The following TSPAN3 variants were observed in gnomAD, a reference collection of about 807,000 sequenced individuals.
The protein encoded by TSPAN3 is tetraspanin 3.
In TSPAN3, 9 loss-of-function variants were observed where a neutral mutation model predicts 31.1. That is an observed-to-expected ratio of 0.29 (90% CI 0.17 to 0.50). The LOEUF (loss-of-function observed/expected upper bound fraction) is 0.50. Ranked by LOEUF, TSPAN3 falls within the 20% of genes least tolerant of loss-of-function variation. TSPAN3 has a pLI of 0.98. For missense variants in TSPAN3, 252 were observed against 313.5 expected, an observed-to-expected ratio of 0.80 and a Z score of 1.48; for synonymous variants, 129 against 114.3, an observed-to-expected ratio of 1.13 and a Z score of -0.82.
chr15:77,066,676 C>T (rs1202581000), intron 1 of TSPAN3, among the ~76,000 whole-genome samples: 1 of 147,012 alleles, frequency 6.8e-6, no homozygotes, highest in Non-Finnish European at 1.5e-5. Flanking sequence ...AGCATGAATA[C>T]ACTTATATTT....
rs1213995884 is a variant in TSPAN3 at position 77,045,215 on chromosome 15, C to T, written c.*1620G>A. ...AACCTGGGACTCATCCTAGATGAGT[C>T]TTCTCTTCTCCCTTCTCTGTCCCAC... On this transcript the variant is annotated 3_prime_UTR_variant, in exon 7 of 7. Transcript: ENST00000267970. The T allele has an allele frequency of 6.6e-6, 1 of 152,270 alleles. No homozygotes were observed. Among genetic ancestry groups the T allele is most frequent in the African/African-American group, 2.4e-5 (1 of 41,416 alleles). The allele number at this position is 152,270 out of a possible 1,614,324, so 9.4% of individuals were successfully genotyped here.
chr15:77,046,984 G>C (rs2076696817), intron 6 of TSPAN3, 57 bp from the exon 7 acceptor site: 2 of 1,389,214 alleles, frequency 1.4e-6, no homozygotes, highest in Non-Finnish European at 2.0e-6. Context: ...CATGGCAGGT[G>C]TGTATTTCTT....
chr15:77,048,309 G>A (rs1240636796), intron 6 of TSPAN3, among the ~76,000 whole-genome samples: 2 of 152,094 alleles, frequency 1.3e-5, no homozygotes, highest in Non-Finnish European at 2.9e-5. Context: ...GTTAAATTGA[G>A]CAATAAAAAT....
rs1274473507 is a variant in TSPAN3 at position 77,070,985 on chromosome 15, G to A, written c.-31C>T. 7 of 1,406,818 alleles carry A rather than the reference G, an allele frequency of 5.0e-6. No individual in the cohort carries two copies. The African/African-American group carries it at 7.6e-5, about 15-fold the overall frequency. 87.1% of individuals were successfully genotyped at this position (1,406,818 alleles called of 1,614,324 possible). A position where few individuals can be genotyped will look rare whatever the true frequency, so the allele number is the denominator to read the frequency against. ...CGGTGGCCCGCGAAGGCCCGGCCCG[G>A]AGAGCGGGGCTGCGCTCACCGAGAG... On this transcript the variant is annotated 5_prime_UTR_variant, in exon 1 of 7. Coordinates refer to ENST00000267970, the MANE Select transcript of TSPAN3 (RefSeq NM_005724.6).
At chr15:77,049,799 C>A (rs1376202221) in intron 6 of TSPAN3, among the ~76,000 whole-genome samples, 1 of 152,144 alleles carries the variant, frequency 6.6e-6, no homozygotes, top group African/African-American at 2.4e-5. Flanking sequence ...CAAACCAAGA[C>A]AAAAATCAAT....
intron 1 of TSPAN3, among the ~76,000 whole-genome samples, chr15:77,065,469 C>T (rs1297228015): frequency 6.6e-6 from 1 of 152,140 alleles, no homozygotes; most frequent in Non-Finnish European, 1.5e-5. Flanking sequence ...CTCTGTCGCC[C>T]AGGCTGGAGT....
rs2076764615 is a variant in TSPAN3, at chr15:77,055,736, A to G, written c.330+53T>C. 3 of 1,415,288 alleles carry G rather than the reference A, an allele frequency of 2.1e-6. No individual in the cohort carries two copies. In the Admixed American group the frequency reaches 7.0e-5, roughly 33 times the overall value. The allele number at this position is 1,415,288 out of a possible 1,614,324, so 87.7% of individuals were successfully genotyped here. A position where few individuals can be genotyped will look rare whatever the true frequency, so the allele number is the denominator to read the frequency against. ...AAATGAATGTGTTCTATTTTACTTG[A>G]AACACTTAAACCACCTTTTAAGGCA... is the stretch of plus-strand genomic sequence containing the variant. On this transcript the variant is annotated intron_variant, in intron 3 of 6. Transcript: ENST00000267970.
At chr15:77,065,922 C>T (rs192098923) in intron 1 of TSPAN3, among the ~76,000 whole-genome samples, 15 of 152,206 alleles carry the variant, frequency 9.9e-5, no homozygotes, top group Admixed American at 5.2e-4. Context: ...ACTATCACCT[C>T]TCAGATGAAA....
intron 5 of TSPAN3, 68 bp from the exon 6 acceptor site, chr15:77,052,536 A>G: frequency 1.4e-6 from 2 of 1,426,688 alleles, no homozygotes; most frequent in Non-Finnish European, 2.0e-6. Flanking sequence ...TTCACAGGCC[A>G]CTACCCACTT....
intron 1 of TSPAN3, among the ~76,000 whole-genome samples, chr15:77,061,424 A>C (rs1023431606): frequency 6.6e-6 from 1 of 152,206 alleles, no homozygotes; most frequent in Non-Finnish European, 1.5e-5. Flanking sequence ...CTACTCAGAA[A>C]CGCTGAGGCA....
At chr15:77,059,457 CCTT>C (rs1035884496) in intron 1 of TSPAN3, among the ~76,000 whole-genome samples, 3 of 152,170 alleles carry the variant, frequency 2.0e-5, no homozygotes, top group African/African-American at 7.2e-5. Context: ...CCCAAATACC[CCTT>C]TTTATTGACT....
At chr15:77,052,736 G>A in intron 5 of TSPAN3, 41 bp downstream of exon 5, 1 of 1,598,070 alleles carries the variant, frequency 6.3e-7, no homozygotes, top group Non-Finnish European at 8.6e-7. Context: ...GTGAAAAACA[G>A]GTTAATCAAG....
intron 1 of TSPAN3, among the ~76,000 whole-genome samples, chr15:77,070,379 G>C (rs940127771): frequency 6.6e-6 from 1 of 152,180 alleles, no homozygotes; most frequent in African/African-American, 2.4e-5. Context: ...ACAGTCAGCC[G>C]GTTCTCCACA....
At chr15:77,050,441 A>ATATGACTAGT (rs1224575951) in intron 6 of TSPAN3, among the ~76,000 whole-genome samples, 1 of 152,180 alleles carries the variant, frequency 6.6e-6, no homozygotes, top group East Asian at 1.9e-4. Context: ...TCATATTTAA[A>ATATGACTAGT]TTAAGAGACT....
chr15:77,070,979 G>T lies in TSPAN3; in HGVS notation c.-25C>A, dbSNP rs1327609648. The T allele has an allele frequency of 2.1e-6, 3 of 1,413,012 alleles. 1 individual carries two copies. Among genetic ancestry groups the T allele is most frequent in the South Asian group, 2.9e-5 (2 of 69,490 alleles). The allele number at this position is 1,413,012 out of a possible 1,614,324, so 87.5% of individuals were successfully genotyped here. ...TGGCGCCGGTGGCCCGCGAAGGCCC[G>T]GCCCGGAGAGCGGGGCTGCGCTCAC... On this transcript the variant is annotated 5_prime_UTR_variant, in exon 1 of 7. Coordinates refer to ENST00000267970, the MANE Select transcript of TSPAN3 (RefSeq NM_005724.6).
chr15:77,042,041 T>C lies in TSPAN3; in HGVS notation c.*4794A>G, dbSNP rs955821282. On this transcript the variant is annotated 3_prime_UTR_variant, in exon 7 of 7. Coordinates refer to ENST00000267970, the MANE Select transcript of TSPAN3 (RefSeq NM_005724.6). The stretch of plus-strand genomic sequence containing the variant: ...TAATGTACCCACACAGCTAACACAA[T>C]GGAATGACAAATCCTACAGTTAGAC... 1.3e-5 allele frequency: 2 copies of C among 152,168 alleles called. No homozygotes were observed. Among genetic ancestry groups the C allele is most frequent in the African/African-American group, 4.8e-5 (2 of 41,432 alleles). 9.4% of individuals were successfully genotyped at this position (152,168 alleles called of 1,614,324 possible).
rs891142757 is a variant in TSPAN3, at chr15:77,064,636, T to C, written c.63+6256A>G. The C allele has an allele frequency of 4.6e-5, 7 of 152,220 alleles. No individual in the cohort carries two copies. The East Asian group carries it at 1.3e-3, about 29-fold the overall frequency. The allele number at this position is 152,220 out of a possible 1,614,324, so 9.4% of individuals were successfully genotyped here. A position where few individuals can be genotyped will look rare whatever the true frequency, so the allele number is the denominator to read the frequency against. On this transcript the variant is annotated intron_variant, in intron 1 of 6. Transcript: ENST00000267970. Reference sequence around the variant, plus strand: ...GTCAGTGGACAGGTGACTAAGAATGTAGTAAGAGTGGAAACATTCATTTTC... The same window carrying C: ...GTCAGTGGACAGGTGACTAAGAATGCAGTAAGAGTGGAAACATTCATTTTC...
intron 6 of TSPAN3, among the ~76,000 whole-genome samples, chr15:77,051,258 T>C (rs529625363): frequency 8.7e-4 from 132 of 152,162 alleles, no homozygotes; most frequent in African/African-American, 3.0e-3. Context: ...CTGGGCGCGA[T>C]GGCTCACGTC....
At chr15:77,050,287 T>C (rs1375151960) in intron 6 of TSPAN3, among the ~76,000 whole-genome samples, 1 of 152,200 alleles carries the variant, frequency 6.6e-6, no homozygotes, top group Non-Finnish European at 1.5e-5. Flanking sequence ...AACCCAAGTT[T>C]TTAAAATTTT....
Sources: allele counts gnomAD v4.1 joint callset (sites outside exome capture counted in the v4.1 genomes callset), GRCh38; gene constraint gnomAD v4.1.1; transcripts MANE v1.5; gene names NCBI Gene and HGNC (gene_info 2026-07-23, HGNC 2026-07-21).